Variants in TOX observed in about 807,000 individuals in gnomAD.
TOX encodes thymocyte selection associated high mobility group box, also known as thymocyte selection-associated high mobility group box protein TOX.
A neutral mutation model predicts 53.7 loss-of-function variants in TOX; 11 were observed. The ratio of observed to expected loss-of-function variants is 0.20; its 90% CI spans 0.13 to 0.34. The LOEUF is 0.34. TOX is among the 10% of genes least tolerant of loss of function. The pLI, the probability that TOX is intolerant of heterozygous loss-of-function variation, is 1.00. For synonymous variants in TOX, 225 were observed against 245.3 expected, an observed-to-expected ratio of 0.92 and a Z score of 0.77; for missense variants, 570 against 664.6, an observed-to-expected ratio of 0.86 and a Z score of 1.56.
At chr8:59,067,198 T>C (rs1804108961) in intron 1 of TOX, among the ~76,000 whole-genome samples, 1 of 152,212 alleles carries the variant, frequency 6.6e-6, no homozygotes, top group East Asian at 1.9e-4. Context: ...CCCTCTTTAT[T>C]TGTAAAAACA....
At position 58,807,656 on chromosome 8, in the gene TOX, T is replaced by A; in HGVS notation, c.*91A>T. ...GTGCTTAGCAACTTGTATTTTCTAA[T>A]AAAATGGAGAACTGCCTTGACTGTA... On this transcript the variant is annotated 3_prime_UTR_variant, in exon 9 of 9. Coordinates refer to ENST00000361421, the MANE Select transcript of TOX (RefSeq NM_014729.3). The A allele has an allele frequency of 6.7e-7, 1 of 1,484,458 alleles. No individual in the cohort carries two copies. Among genetic ancestry groups the A allele is most frequent in the East Asian group, 2.3e-5 (1 of 43,928 alleles). 92.0% of individuals were successfully genotyped at this position (1,484,458 alleles called of 1,614,324 possible). A position where few individuals can be genotyped will look rare whatever the true frequency, so the allele number is the denominator to read the frequency against.
intron 2 of TOX, among the ~76,000 whole-genome samples, chr8:58,943,123 T>C (rs997720726): frequency 6.6e-6 from 1 of 152,184 alleles, no homozygotes; most frequent in African/African-American, 2.4e-5. Flanking sequence ...TCCCCTGAAG[T>C]GACTGGTACC....
chr8:58,869,151 C>T (rs748256664), intron 3 of TOX, among the ~76,000 whole-genome samples: 5 of 142,078 alleles, frequency 3.5e-5, no homozygotes, highest in Non-Finnish European at 7.5e-5. Context: ...CACTTGAACC[C>T]GGGAGGCAGA....
intron 1 of TOX, among the ~76,000 whole-genome samples, chr8:59,084,252 C>G (rs1804468696): frequency 6.6e-6 from 1 of 151,914 alleles, no homozygotes; most frequent in Non-Finnish European, 1.5e-5. Context: ...TATTATCAAA[C>G]TATAAACCAA....
intron 3 of TOX, among the ~76,000 whole-genome samples, chr8:58,873,958 C>CTGTTTTTTTTTTTTTTTTTTTTTTT: frequency 2.5e-5 from 1 of 40,128 alleles, no homozygotes; most frequent in Non-Finnish European, 3.9e-5. Context: ...TGCCAGGAAG[C>CTGTTTTTTTTTTTTTTTTTTTTTTT]TTTTTTTTTT....
intron 3 of TOX, among the ~76,000 whole-genome samples, chr8:58,907,572 G>A (rs111503027): frequency 0.018 from 2,695 of 152,152 alleles, 52 homozygotes; most frequent in Admixed American, 0.062. Context: ...TCCAGCCTGT[G>A]CGACAGAGGA....
chr8:59,039,765 T>G (rs933709338), intron 1 of TOX, among the ~76,000 whole-genome samples: 2 of 152,212 alleles, frequency 1.3e-5, no homozygotes, highest in African/African-American at 2.4e-5. Flanking sequence ...GTTTTTACCT[T>G]CAGAAAAATA....
chr8:58,997,394 TC>T (rs1475354458), intron 1 of TOX, among the ~76,000 whole-genome samples: 1 of 152,198 alleles, frequency 6.6e-6, no homozygotes, highest in East Asian at 1.9e-4. Context: ...TGCACTTGCG[TC>T]TAGGAACTGC....
intron 1 of TOX, among the ~76,000 whole-genome samples, chr8:59,093,299 C>A (rs1804657916): frequency 6.6e-6 from 1 of 152,192 alleles, no homozygotes; most frequent in South Asian, 2.1e-4. Context: ...GTACCACTGA[C>A]AAATAACAGT....
At chr8:58,833,362 A>G (rs1810494656) in intron 5 of TOX, among the ~76,000 whole-genome samples, 1 of 152,182 alleles carries the variant, frequency 6.6e-6, no homozygotes, top group Admixed American at 6.5e-5. Context: ...CTTTGGACCA[A>G]CCCTTTCTGC....
intron 3 of TOX, among the ~76,000 whole-genome samples, chr8:58,858,214 G>A (rs2129168867): frequency 6.6e-6 from 1 of 152,318 alleles, no homozygotes; most frequent in East Asian, 1.9e-4. Flanking sequence ...TGTTAGTGAT[G>A]AAATAGTGTT....
Position 58,805,655 on chromosome 8 carries a change from T to C in TOX, c.*2092A>G, listed in dbSNP as rs1585833925. 1 of 152,676 alleles carries C rather than the reference T, an allele frequency of 6.5e-6. No individual in the cohort carries two copies. The highest frequency in any genetic ancestry group is 6.5e-5 in the Admixed American group (1 of 15,284). 9.5% of individuals were successfully genotyped at this position (152,676 alleles called of 1,614,324 possible). A position where few individuals can be genotyped will look rare whatever the true frequency, so the allele number is the denominator to read the frequency against. ...CTTAATGCAAGTGAAATTTTTACTT[T>C]ATCATAATATAATAAATAAAAGACA... On this transcript the variant is annotated 3_prime_UTR_variant, in exon 9 of 9. Coordinates refer to ENST00000361421, the MANE Select transcript of TOX (RefSeq NM_014729.3).
chr8:59,114,425 A>T (rs1242705032), intron 1 of TOX, among the ~76,000 whole-genome samples: 1 of 152,194 alleles, frequency 6.6e-6, no homozygotes, highest in Non-Finnish European at 1.5e-5. Context: ...ACTTTTCTAT[A>T]ATATCTGATT....
At position 59,093,148 on chromosome 8, in the gene TOX, G is replaced by T. The variant is rs79001782; in HGVS notation, c.102+25738C>A. Among the ~76,000 whole-genome samples the T allele has an allele frequency of 8.7e-3, 1,331 of 152,296 alleles. 18 individuals carry two copies. Among genetic ancestry groups the T allele is most frequent in the African/African-American group, 0.031 (1,274 of 41,550 alleles). Reference sequence around the variant, plus strand: ...TCATGGTAGAACTTCTGCAGCTCACGCCTTTTTAATCCTTTCTGTTCTTCC... The same window carrying T: ...TCATGGTAGAACTTCTGCAGCTCACTCCTTTTTAATCCTTTCTGTTCTTCC... On this transcript the variant is annotated intron_variant, in intron 1 of 8. Transcript: ENST00000361421.
intron 1 of TOX, among the ~76,000 whole-genome samples, chr8:58,988,077 T>C (rs1813367532): frequency 6.6e-6 from 1 of 152,162 alleles, no homozygotes; most frequent in Admixed American, 6.5e-5. Flanking sequence ...AAACTTCAGA[T>C]GAAAAAATAC....
intron 1 of TOX, among the ~76,000 whole-genome samples, chr8:59,036,700 T>C (rs1165986474): frequency 1.3e-5 from 2 of 152,244 alleles, no homozygotes; most frequent in Admixed American, 6.5e-5. Context: ...TCAGTGTTTA[T>C]AGATGAAATT....
intron 1 of TOX, among the ~76,000 whole-genome samples, chr8:59,069,042 C>T (rs1804145656): frequency 6.6e-6 from 1 of 152,168 alleles, no homozygotes; most frequent in African/African-American, 2.4e-5. Flanking sequence ...GGGCATAGTG[C>T]ATGCAAGGGG....
At position 59,004,645 on chromosome 8, in the gene TOX, T is replaced by C. The variant is rs1813753751; in HGVS notation, c.103-44637A>G. On this transcript the variant is annotated intron_variant, in intron 1 of 8. Coordinates refer to ENST00000361421, the MANE Select transcript of TOX (RefSeq NM_014729.3). ...TCCACCACTTATTAACTATAAAAAT[T>C]CCAGCCAATTATTTAACCTCTGAGA... Among the ~76,000 whole-genome samples, 2 of 152,276 alleles carry C rather than the reference T, an allele frequency of 1.3e-5. 1 individual carries two copies. The highest frequency in any genetic ancestry group is 4.1e-4 in the South Asian group (2 of 4,828).
At chr8:59,040,120 G>C (rs894534340) in intron 1 of TOX, among the ~76,000 whole-genome samples, 2 of 152,066 alleles carry the variant, frequency 1.3e-5, no homozygotes, top group African/African-American at 4.8e-5. Context: ...ACGAGGTCAG[G>C]AGATCGAGAC....
Sources: allele counts gnomAD v4.1 joint callset (sites outside exome capture counted in the v4.1 genomes callset), GRCh38; gene constraint gnomAD v4.1.1; transcripts MANE v1.5; gene names NCBI Gene and HGNC (gene_info 2026-07-23, HGNC 2026-07-21).